NELL2: variants seen among roughly 807,000 people sequenced by gnomAD.
NELL2 encodes neural EGFL like 2, also known as protein kinase C-binding protein NELL2.
NELL2 carries 41 observed loss-of-function variants against 109.6 expected under a neutral mutation model. The observed-to-expected ratio is 0.37, with a 90% CI of 0.29 to 0.49. The LOEUF (loss-of-function observed/expected upper bound fraction) is 0.49, where lower values mean the gene tolerates loss of function less well. Among genes scored for constraint, NELL2 ranks in the 20% least tolerant of loss-of-function variants. The pLI is 0.98. For missense variants in NELL2, 900 were observed against 1,008.3 expected (o/e 0.89, Z 1.45); for synonymous variants, 355 against 344.7 (o/e 1.03, Z -0.33).
intron 1 of NELL2, among the ~76,000 whole-genome samples, chr12:44,908,576 T>C (rs1945745926): frequency 6.6e-6 from 1 of 151,946 alleles, no homozygotes; most frequent in Admixed American, 6.6e-5. Context: ...ATCAAGTGGC[T>C]ACAGTAGTAG....
intron 15 of NELL2, among the ~76,000 whole-genome samples, chr12:44,606,662 T>C (rs1366645897): frequency 6.6e-6 from 1 of 152,122 alleles, no homozygotes; most frequent in South Asian, 2.1e-4. Context: ...AAGTTCAGAA[T>C]GGATCTGAAT....
intron 9 of NELL2, among the ~76,000 whole-genome samples, chr12:44,722,556 G>A (rs973769779): frequency 5.3e-5 from 8 of 152,170 alleles, no homozygotes; most frequent in African/African-American, 1.9e-4. Context: ...GAAATGATGG[G>A]CACATGCACA....
chr12:44,921,179 T>C (rs1207928138), intron 1 of NELL2, among the ~76,000 whole-genome samples: 1 of 152,162 alleles, frequency 6.6e-6, no homozygotes, highest in Non-Finnish European at 1.5e-5. Context: ...TCTATTTTTT[T>C]CAAATGAACG....
chr12:44,679,554 A>G (rs1197601128), intron 12 of NELL2, among the ~76,000 whole-genome samples: 1 of 152,118 alleles, frequency 6.6e-6, no homozygotes, highest in Non-Finnish European at 1.5e-5. Context: ...TGGGGAGAAC[A>G]GGCAGTAACC....
chr12:44,839,050 A>G (rs977397060), intron 2 of NELL2, among the ~76,000 whole-genome samples: 1 of 151,672 alleles, frequency 6.6e-6, no homozygotes, highest in Non-Finnish European at 1.5e-5. Context: ...ATTTTGTGCA[A>G]CTCCCACACC....
rs544324048 is a variant in NELL2, at chr12:44,863,174, TATGAGTGAGAAC to T, written c.184+12039_184+12050del. ...GTGTTCTTATTGTTCAGCTCCCAATTATGAGTGAGAACATGTGGTGTTTGGTTTTCTGTTCCT... is the reference window on the plus strand; with the variant it reads ...GTGTTCTTATTGTTCAGCTCCCAATTATGTGGTGTTTGGTTTTCTGTTCCT... On this transcript the variant is annotated intron_variant, in intron 2 of 19. Transcript: ENST00000429094. Among the ~76,000 whole-genome samples the T allele has an allele frequency of 1.1e-3, 169 of 152,190 alleles. 1 individual carries two copies. Among genetic ancestry groups the T allele is most frequent in the Non-Finnish European group, 5.0e-4 (34 of 68,012 alleles).
At chr12:44,667,912 A>G (rs1047068032) in intron 12 of NELL2, among the ~76,000 whole-genome samples, 1 of 152,208 alleles carries the variant, frequency 6.6e-6, no homozygotes, top group African/African-American at 2.4e-5. Flanking sequence ...AGCCTAGCAT[A>G]GGAAACTGCC....
chr12:44,743,730 A>C (rs1940149562), intron 9 of NELL2, among the ~76,000 whole-genome samples: 1 of 152,262 alleles, frequency 6.6e-6, no homozygotes, highest in Admixed American at 6.5e-5. Context: ...TAAAGGGATC[A>C]ATTCAACAAG....
At chr12:44,847,925 G>A (rs1014492308) in intron 2 of NELL2, among the ~76,000 whole-genome samples, 1 of 151,636 alleles carries the variant, frequency 6.6e-6, no homozygotes. Flanking sequence ...CCAAGTACTC[G>A]GGAGGCTGAG....
chr12:44,745,676 T>A (rs940722732), intron 9 of NELL2, among the ~76,000 whole-genome samples: 2,059 of 151,852 alleles, frequency 0.014, 23 homozygotes, highest in Non-Finnish European at 0.02. Flanking sequence ...GAGCCAAATC[T>A]CCAGTGAACT....
chr12:44,739,115 C>G (rs1939805036), intron 9 of NELL2, among the ~76,000 whole-genome samples: 1 of 152,088 alleles, frequency 6.6e-6, no homozygotes, highest in African/African-American at 2.4e-5. Flanking sequence ...TAGACAAAGT[C>G]TTCTTGAATT....
At chr12:44,816,308 A>G (rs1943350158) in intron 2 of NELL2, among the ~76,000 whole-genome samples, 172 bp from the exon 3 acceptor site, 1 of 152,224 alleles carries the variant, frequency 6.6e-6, no homozygotes, top group South Asian at 2.1e-4. Context: ...GCTATATATA[A>G]TAACACAGGA....
At chr12:44,702,993 A>C (rs1373548653) in intron 12 of NELL2, among the ~76,000 whole-genome samples, 1 of 152,150 alleles carries the variant, frequency 6.6e-6, no homozygotes, top group Non-Finnish European at 1.5e-5. Flanking sequence ...ACTTTCTCTG[A>C]ATGCCCAAAC....
At chr12:44,848,607 T>A (rs1217270375) in intron 2 of NELL2, among the ~76,000 whole-genome samples, 3 of 152,090 alleles carry the variant, frequency 2.0e-5, no homozygotes, top group Non-Finnish European at 4.4e-5. Context: ...AAGTCTTTGT[T>A]TTAGTTATGA....
chr12:44,894,680 T>C (rs1192668205), intron 1 of NELL2, among the ~76,000 whole-genome samples: 3 of 152,182 alleles, frequency 2.0e-5, no homozygotes, highest in Non-Finnish European at 4.4e-5. Context: ...AATTATCTCA[T>C]CCATAATTTT....
At chr12:44,683,407 T>G (rs1389069534) in intron 12 of NELL2, among the ~76,000 whole-genome samples, 1 of 142,786 alleles carries the variant, frequency 7.0e-6, no homozygotes, top group Non-Finnish European at 1.5e-5. Flanking sequence ...TGAATACCCT[T>G]TATTTCCTTC....
chr12:44,539,475 T>C (rs567221957), intron 15 of NELL2, among the ~76,000 whole-genome samples: 4 of 152,334 alleles, frequency 2.6e-5, no homozygotes, highest in Admixed American at 2.6e-4. Context: ...ATATATTTCC[T>C]ATTTCTCTAA....
At chr12:44,654,350 A>G (rs1947413798) in intron 13 of NELL2, among the ~76,000 whole-genome samples, 1 of 152,162 alleles carries the variant, frequency 6.6e-6, no homozygotes, top group African/African-American at 2.4e-5. Context: ...TTGTCCTTCA[A>G]CCTGATACAG....
At chr12:44,920,437 AT>A (rs1470404779) in intron 1 of NELL2, among the ~76,000 whole-genome samples, 2 of 152,160 alleles carry the variant, frequency 1.3e-5, no homozygotes, top group African/African-American at 4.8e-5. Flanking sequence ...GATGTTTTGT[AT>A]TGAATTTGAA....
Sources: allele counts gnomAD v4.1 joint callset (sites outside exome capture counted in the v4.1 genomes callset), GRCh38; gene constraint gnomAD v4.1.1; transcripts MANE v1.5; gene names NCBI Gene and HGNC (gene_info 2026-07-23, HGNC 2026-07-21).